Variants in ARHGAP6 observed in about 807,000 individuals in gnomAD.
ARHGAP6 encodes the protein Rho GTPase activating protein 6, also known as rho GTPase-activating protein 6.
ARHGAP6 carries 16 observed loss-of-function variants against 55.7 expected under a neutral mutation model. The observed-to-expected ratio is 0.29, with a 90% CI of 0.19 to 0.44. The LOEUF (loss-of-function observed/expected upper bound fraction) is 0.44. Ranked by LOEUF, ARHGAP6 falls within the 20% of genes least tolerant of loss-of-function variation. The pLI is 1.00. For synonymous variants in ARHGAP6, 382 were observed against 360.9 expected (o/e 1.06, Z -0.66); for missense variants, 698 against 808.9 (o/e 0.86, Z 1.66).
At chrX:11,291,334 G>A (rs889262071) in intron 1 of ARHGAP6, among the ~76,000 whole-genome samples, 15 of 111,246 alleles carry the variant, frequency 1.3e-4, no homozygotes, top group African/African-American at 4.6e-4. Context: ...GTGAATTAGC[G>A]GTAACTCACT....
intron 1 of ARHGAP6, among the ~76,000 whole-genome samples, chrX:11,550,305 G>T (rs769270139): frequency 8.9e-6 from 1 of 111,911 alleles, no homozygotes; most frequent in South Asian, 3.8e-4. Context: ...AAAATCACTG[G>T]TTATAAAAAA....
At chrX:11,357,802 T>C (rs1466765595) in intron 1 of ARHGAP6, among the ~76,000 whole-genome samples, 2 of 112,176 alleles carry the variant, frequency 1.8e-5, no homozygotes, top group Non-Finnish European at 3.8e-5. Context: ...AATAAATATC[T>C]GTTGTGTGGA....
rs868186535 is a variant in ARHGAP6, at chrX:11,406,278, C to T, written c.589-151571G>A. 5.4e-5 allele frequency among the ~76,000 whole-genome samples: 6 copies of T among 110,698 alleles called. No homozygotes were observed. The South Asian group carries it at 1.2e-3, about 22-fold the overall frequency. On this transcript the variant is annotated intron_variant, in intron 1 of 12. Transcript: ENST00000337414. ...CACAGAGTGGGTACTGGGATGGGGGCGGAGATTTTGCCCATTGCTGATCCC... is the reference window on the plus strand; with the variant it reads ...CACAGAGTGGGTACTGGGATGGGGGTGGAGATTTTGCCCATTGCTGATCCC...
At chrX:11,311,823 A>G (rs865821312) in intron 1 of ARHGAP6, among the ~76,000 whole-genome samples, 16 of 111,477 alleles carry the variant, frequency 1.4e-4, no homozygotes, top group Middle Eastern at 9.2e-3. Context: ...AAACTCAGGC[A>G]CACGCTATGT....
At chrX:11,577,806 T>G (rs913658301) in intron 1 of ARHGAP6, among the ~76,000 whole-genome samples, 1 of 111,628 alleles carries the variant, frequency 9.0e-6, no homozygotes, top group Admixed American at 9.5e-5. Context: ...TGTTAGGCAC[T>G]GTACAAGTAG....
chrX:11,655,935 T>A (rs772245024), intron 1 of ARHGAP6, among the ~76,000 whole-genome samples: 7 of 112,680 alleles, frequency 6.2e-5, no homozygotes, highest in Non-Finnish European at 1.1e-4. Flanking sequence ...AATCTCACTA[T>A]GAAAACATGA....
At chrX:11,521,874 G>A (rs370240747) in intron 1 of ARHGAP6, among the ~76,000 whole-genome samples, 10 of 111,126 alleles carry the variant, frequency 9.0e-5, no homozygotes, top group African/African-American at 1.3e-4. Flanking sequence ...GGTCCTTCAC[G>A]TCCCTTGTAA....
chrX:11,432,914 T>C (rs17327753), intron 1 of ARHGAP6, among the ~76,000 whole-genome samples: 14,581 of 112,321 alleles, frequency 0.13, 816 homozygotes, highest in Admixed American at 0.22. Context: ...CTCAGCCTGA[T>C]AACTGTAAAC....
Position 11,281,835 on chromosome X carries a change from T to C in ARHGAP6, c.589-27128A>G, listed in dbSNP as rs188711607. ...TTTGTACTGAGGGGAAAAAAGGACA[T>C]TTAGAAAATTAAGATGAACAAAATA... On this transcript the variant is annotated intron_variant, in intron 1 of 12. Transcript: ENST00000337414. Among the ~76,000 whole-genome samples the C allele has an allele frequency of 6.3e-5, 7 of 111,839 alleles. No homozygotes were observed. The Admixed American group carries it at 6.6e-4, about 11-fold the overall frequency.
At chrX:11,550,153 G>A (rs1279174505) in intron 1 of ARHGAP6, among the ~76,000 whole-genome samples, 1 of 111,643 alleles carries the variant, frequency 9.0e-6, no homozygotes, top group Non-Finnish European at 1.9e-5. Context: ...GGAAAGTTGG[G>A]GAAAGGCTGT....
At chrX:11,412,632 T>A (rs766300792) in intron 1 of ARHGAP6, among the ~76,000 whole-genome samples, 6 of 112,327 alleles carry the variant, frequency 5.3e-5, no homozygotes, top group African/African-American at 1.9e-4. Context: ...TAATCATTAA[T>A]TGAGATCTTT....
chrX:11,215,012 T>C (rs1273010955), intron 2 of ARHGAP6, among the ~76,000 whole-genome samples: 2 of 113,347 alleles, frequency 1.8e-5, no homozygotes, highest in Non-Finnish European at 3.8e-5. Context: ...GGCAAGGCCC[T>C]GAGGGCAGGC....
intron 1 of ARHGAP6, among the ~76,000 whole-genome samples, chrX:11,521,064 T>C (rs1569379726): frequency 8.9e-6 from 1 of 112,147 alleles, no homozygotes; most frequent in Non-Finnish European, 1.9e-5. Flanking sequence ...ATTAGCCCTT[T>C]GTCAGATGAG....
Position 11,364,087 on chromosome X carries a change from T to C in ARHGAP6, c.589-109380A>G, listed in dbSNP as rs1448133130. Among the ~76,000 whole-genome samples, 5 of 111,468 alleles carry C rather than the reference T, an allele frequency of 4.5e-5. No individual in the cohort carries two copies. The Admixed American group carries it at 4.8e-4, about 11-fold the overall frequency. On this transcript the variant is annotated intron_variant, in intron 1 of 12. Coordinates refer to ENST00000337414, the MANE Select transcript of ARHGAP6 (RefSeq NM_013427.3). ...TGGAACTAGAGGCCATTATCATAAGTGGAGGAACATAGGAACAGAAAACCA... is the reference window on the plus strand; with the variant it reads ...TGGAACTAGAGGCCATTATCATAAGCGGAGGAACATAGGAACAGAAAACCA...
At chrX:11,209,922 T>C (rs772005647) in intron 2 of ARHGAP6, among the ~76,000 whole-genome samples, 41 of 112,285 alleles carry the variant, frequency 3.7e-4, no homozygotes, top group African/African-American at 1.2e-3. Flanking sequence ...TTGACTTTTT[T>C]TGAAGAAAAA....
intron 1 of ARHGAP6, among the ~76,000 whole-genome samples, chrX:11,405,519 T>C (rs1346653204): frequency 9.0e-6 from 1 of 111,641 alleles, no homozygotes; most frequent in Non-Finnish European, 1.9e-5. Flanking sequence ...AAATCAAGGG[T>C]TTACTGTATG....
At chrX:11,167,007 C>T (rs1006851240) in intron 9 of ARHGAP6, among the ~76,000 whole-genome samples, 1 of 111,713 alleles carries the variant, frequency 9.0e-6, no homozygotes, top group African/African-American at 3.3e-5. Flanking sequence ...TAACTTACTC[C>T]AAGAAAGGTA....
At chrX:11,483,064 G>C (rs1446731309) in intron 1 of ARHGAP6, among the ~76,000 whole-genome samples, 6 of 111,783 alleles carry the variant, frequency 5.4e-5, no homozygotes, top group Non-Finnish European at 3.8e-5. Context: ...GACTGCACCA[G>C]AGGAACACAG....
chrX:11,153,515 A>C (rs1353373101), intron 10 of ARHGAP6, among the ~76,000 whole-genome samples: 1 of 81,033 alleles, frequency 1.2e-5, no homozygotes, highest in Non-Finnish European at 2.3e-5. Flanking sequence ...ACAGAGCGAG[A>C]CTCGATCTCA....
Sources: allele counts gnomAD v4.1 joint callset (sites outside exome capture counted in the v4.1 genomes callset), GRCh38; gene constraint gnomAD v4.1.1; transcripts MANE v1.5; gene names NCBI Gene and HGNC (gene_info 2026-07-23, HGNC 2026-07-21).